The following ZZEF1 variants were observed in gnomAD, a reference collection of about 807,000 sequenced individuals.
The protein encoded by ZZEF1 is zinc finger ZZ-type and EF-hand domain-containing protein 1.
In ZZEF1, 157 loss-of-function variants were observed where a neutral mutation model predicts 342.8. The observed-to-expected ratio is 0.46, with a 90% CI of 0.40 to 0.52. ZZEF1 has a LOEUF of 0.52. ZZEF1 is among the 20% of genes least tolerant of loss of function. The pLI is 0.00. For synonymous variants in ZZEF1, 1,505 were observed against 1,429.1 expected, an observed-to-expected ratio of 1.05 and a Z score of -1.20; for missense variants, 3,480 against 3,725.6, an observed-to-expected ratio of 0.93 and a Z score of 1.72.
intron 9 of ZZEF1, among the ~76,000 whole-genome samples, chr17:4,100,617 C>T (rs542951721): frequency 8.3e-4 from 127 of 152,104 alleles, no homozygotes; most frequent in African/African-American, 2.9e-3. Flanking sequence ...CGGTGGCTCA[C>T]GAGGTCAGGA....
chr17:4,077,851 T>C, intron 19 of ZZEF1, 32 bp downstream of exon 19: 2 of 1,607,736 alleles, frequency 1.2e-6, no homozygotes, highest in Non-Finnish European at 1.7e-6. Context: ...CCAAACGCCA[T>C]CTGTTTTCAT....
At chr17:4,057,173 G>A (rs775324670) in intron 32 of ZZEF1, among the ~76,000 whole-genome samples, 17 of 152,212 alleles carry the variant, frequency 1.1e-4, no homozygotes, top group Non-Finnish European at 1.8e-4. Flanking sequence ...TGTGGCGTGC[G>A]GGGAGACAAA....
intron 14 of ZZEF1, among the ~76,000 whole-genome samples, chr17:4,087,026 T>C (rs941302758): frequency 6.6e-6 from 1 of 152,068 alleles, no homozygotes; most frequent in African/African-American, 2.4e-5. Flanking sequence ...AGATTACAGG[T>C]GCCCACCACC....
In ZZEF1 at chr17:4,054,064, G is replaced by A. The variant is rs781015249; in HGVS notation, c.5427C>T (p.Cys1809=). 1.8e-5 allele frequency: 29 copies of A among 1,609,906 alleles called. No homozygotes were observed. In the South Asian group the frequency reaches 2.6e-4, roughly 14 times the overall value. ...CCAGTTCATGAAATTTACCTAGGAA[G>A]CAAGTTTTGCAGAGATCCATGTCGC... ...QCSDMDLCKT[C]FLGGVKPEGH... The change falls in exon 34 of 55, where the codon TGC becomes TGT. Residue 1809 remains cysteine (C), a synonymous_variant. Transcript: ENST00000381638.
chr17:4,041,800 T>G (rs561964932), intron 39 of ZZEF1, among the ~76,000 whole-genome samples: 2 of 151,904 alleles, frequency 1.3e-5, no homozygotes, highest in African/African-American at 4.8e-5. Context: ...GTTTTGAAAA[T>G]TTAAAAAAAG....
chr17:4,114,990 T>C (rs530261147), intron 3 of ZZEF1, among the ~76,000 whole-genome samples: 11 of 152,120 alleles, frequency 7.2e-5, no homozygotes, highest in Middle Eastern at 3.2e-3. Flanking sequence ...ATAGCTAACA[T>C]TTACTTGAGT....
chr17:4,051,163 T>G (rs2057038304), intron 35 of ZZEF1, 120 bp from the exon 36 acceptor site: 2 of 1,299,034 alleles, frequency 1.5e-6, no homozygotes, highest in African/African-American at 1.5e-5. Flanking sequence ...ACCTCTAGGA[T>G]GCGCTTACTG....
At chr17:4,050,668 T>C (rs1440837090) in intron 36 of ZZEF1, 113 bp downstream of exon 36, 1 of 1,491,332 alleles carries the variant, frequency 6.7e-7, no homozygotes, top group Non-Finnish European at 9.1e-7. Context: ...GCCCCTTTTG[T>C]GGAAAAGTGG....
intron 43 of ZZEF1, 99 bp from the exon 44 acceptor site, chr17:4,022,927 GTCCAT>G (rs2056307369): frequency 6.8e-7 from 1 of 1,475,036 alleles, no homozygotes; most frequent in African/African-American, 1.4e-5. Flanking sequence ...TCATTCATTC[GTCCAT>G]TCAACACATA....
intron 39 of ZZEF1, among the ~76,000 whole-genome samples, chr17:4,039,455 G>A (rs776175429): frequency 6.7e-6 from 1 of 150,236 alleles, no homozygotes; most frequent in Non-Finnish European, 1.5e-5. Flanking sequence ...GGGGGACAGA[G>A]TGAGACACCA....
intron 43 of ZZEF1, 107 bp downstream of exon 43, chr17:4,024,812 A>G: frequency 9.1e-7 from 1 of 1,103,062 alleles, no homozygotes; most frequent in Non-Finnish European, 1.4e-6. Context: ...TCAAGATCCT[A>G]TGGTTTACCA....
rs764137399 is a variant in ZZEF1 at position 4,142,533 on chromosome 17, G to A, written c.354+9C>T. ...TGCCCCATCCCCGCAGTCGCCTGCC[G>A]GCCCTGACCTCCTCGAACTGCTCGC... On this transcript the variant is annotated intron_variant, in intron 1 of 54. Transcript: ENST00000381638. The A allele has an allele frequency of 6.9e-6, 11 of 1,589,836 alleles. No homozygotes were observed. Among genetic ancestry groups the A allele is most frequent in the Non-Finnish European group, 9.4e-6 (11 of 1,175,122 alleles).
intron 6 of ZZEF1, among the ~76,000 whole-genome samples, 172 bp downstream of exon 6, chr17:4,109,481 A>T (rs1350425298): frequency 6.6e-6 from 1 of 152,130 alleles, no homozygotes; most frequent in Admixed American, 6.5e-5. Flanking sequence ...TCAATCAAAG[A>T]GAGATACACT....
chr17:4,051,481 C>T (rs972711231), intron 35 of ZZEF1, among the ~76,000 whole-genome samples: 4 of 152,064 alleles, frequency 2.6e-5, no homozygotes, highest in Non-Finnish European at 4.4e-5. Flanking sequence ...AGTGCAGTGG[C>T]GCAGTCTCAG....
chr17:4,114,052 T>C (rs2058356063), intron 4 of ZZEF1, among the ~76,000 whole-genome samples: 1 of 152,202 alleles, frequency 6.6e-6, no homozygotes, highest in Non-Finnish European at 1.5e-5. Flanking sequence ...TTAATTTTCC[T>C]GAGAAACTAG....
At chr17:4,018,067 C>G (rs2056161731) in intron 46 of ZZEF1, 96 bp from the exon 47 acceptor site, 1 of 1,494,732 alleles carries the variant, frequency 6.7e-7, no homozygotes, top group Non-Finnish European at 9.1e-7. Flanking sequence ...CAGAGTTGTT[C>G]TTCTGTTAGT....
intron 2 of ZZEF1, among the ~76,000 whole-genome samples, chr17:4,117,648 C>CAAAAAAAAAAAAAA (rs61155656): frequency 7.9e-5 from 7 of 89,010 alleles, no homozygotes; most frequent in Admixed American, 1.3e-4. Flanking sequence ...AACTCCACCT[C>CAAAAAAAAAAAAAA]AAAAAAAAAA....
At chr17:4,132,356 G>A (rs182859622) in intron 1 of ZZEF1, among the ~76,000 whole-genome samples, 1 of 152,156 alleles carries the variant, frequency 6.6e-6, no homozygotes, top group Admixed American at 6.5e-5. Context: ...GCTAATTTTT[G>A]TATTTTTCCT....
chr17:4,082,422 G>C lies in ZZEF1; in HGVS notation c.2714+15C>G. 6.2e-7 allele frequency: 1 copy of C among 1,613,322 alleles called. No individual in the cohort carries two copies. Among genetic ancestry groups the C allele is most frequent in the East Asian group, 2.2e-5 (1 of 44,860 alleles). ...ATTTGAGTTATCCGACAATTAAAAAGAACGATCAGCTTACCTAAAATACGT... is the reference window on the plus strand; with the variant it reads ...ATTTGAGTTATCCGACAATTAAAAACAACGATCAGCTTACCTAAAATACGT... On this transcript the variant is annotated intron_variant, in intron 17 of 54. Coordinates refer to ENST00000381638, the MANE Select transcript of ZZEF1 (RefSeq NM_015113.4).
Sources: allele counts gnomAD v4.1 joint callset (sites outside exome capture counted in the v4.1 genomes callset), GRCh38; gene constraint gnomAD v4.1.1; transcripts MANE v1.5; gene names NCBI Gene and HGNC (gene_info 2026-07-23, HGNC 2026-07-21).